HYDIN: variants seen among roughly 807,000 people sequenced by gnomAD.
The protein encoded by HYDIN is axonemal central pair apparatus protein HYDIN.
HYDIN carries 132 observed loss-of-function variants against 403.9 expected under a neutral mutation model. The ratio of observed to expected loss-of-function variants is 0.33; its 90% CI spans 0.28 to 0.38. The LOEUF (loss-of-function observed/expected upper bound fraction) is 0.38. HYDIN is among the 10% of genes least tolerant of loss of function. The pLI is 1.00. For missense variants in HYDIN, 2,827 were observed against 5,009.5 expected (o/e 0.56, Z 13.15); for synonymous variants, 1,202 against 1,891.7 (o/e 0.64, Z 9.46).
intron 47 of HYDIN, among the ~76,000 whole-genome samples, chr16:70,917,032 C>T (rs1014422124): frequency 7.9e-5 from 12 of 152,126 alleles, no homozygotes; most frequent in Non-Finnish European, 1.6e-4. Flanking sequence ...AAGCGATCCT[C>T]CCACCTCAGC....
chr16:71,171,324 C>T (rs2086454066), intron 5 of HYDIN, among the ~76,000 whole-genome samples: 1 of 152,174 alleles, frequency 6.6e-6, no homozygotes, highest in Admixed American at 6.5e-5. Context: ...CTTCCTTGAC[C>T]TTACTTTTGA....
At chr16:70,810,527 C>A (rs2035414756) in intron 84 of HYDIN, among the ~76,000 whole-genome samples, 1 of 152,196 alleles carries the variant, frequency 6.6e-6, no homozygotes, top group Admixed American at 6.5e-5. Context: ...TGTGTAGCCA[C>A]TAGAAAGGAT....
chr16:71,084,956 C>A (rs1376515125), intron 12 of HYDIN, among the ~76,000 whole-genome samples: 1 of 148,786 alleles, frequency 6.7e-6, no homozygotes, highest in East Asian at 2.0e-4. Flanking sequence ...AATCCCACTT[C>A]GTCATGGGGT....
chr16:70,807,564 G>C lies in HYDIN; in HGVS notation c.*16C>G. ...AATGCATAGCTTTTGGTTGATACAG[G>C]TAACCCTGGTTACCACTAAAGGGTG... On this transcript the variant is annotated 3_prime_UTR_variant, in exon 86 of 86. Coordinates refer to ENST00000393567, the MANE Select transcript of HYDIN (RefSeq NM_001270974.2). 15 of 1,591,474 alleles carry C rather than the reference G, an allele frequency of 9.4e-6. No individual in the cohort carries two copies. Among genetic ancestry groups the C allele is most frequent in the Non-Finnish European group, 1.3e-5 (15 of 1,168,232 alleles).
chr16:71,188,261 C>T (rs2087252636), intron 1 of HYDIN, among the ~76,000 whole-genome samples: 1 of 152,160 alleles, frequency 6.6e-6, no homozygotes, highest in African/African-American at 2.4e-5. Context: ...TCCCAAGCAG[C>T]TGGCACTACT....
intron 36 of HYDIN, among the ~76,000 whole-genome samples, chr16:70,965,602 G>A (rs1041903482): frequency 2.6e-5 from 4 of 152,176 alleles, no homozygotes; most frequent in Non-Finnish European, 4.4e-5. Context: ...GCAAAATTAA[G>A]TTTTAAAAAG....
chr16:70,969,363 C>A (rs557153398), intron 36 of HYDIN, among the ~76,000 whole-genome samples: 169 of 152,174 alleles, frequency 1.1e-3, no homozygotes, highest in Middle Eastern at 6.8e-3. Context: ...AACTAAGACA[C>A]AGAAAAATTC....
chr16:71,198,865 C>T (rs1381117134), intron 1 of HYDIN, among the ~76,000 whole-genome samples: 1 of 152,186 alleles, frequency 6.6e-6, no homozygotes, highest in African/African-American at 2.4e-5. Flanking sequence ...CAGTGAATCT[C>T]CTTCATAGTA....
Position 70,837,843 on chromosome 16 carries a change from G to A in HYDIN, c.13089C>T (p.Ser4363=), listed in dbSNP as rs1268842329. ...YTNTTHLEVN[S]RVDVVKPGNT... is the part of the protein sequence containing the mutation. ...TTCCTGGCTTTACCACATCAACACG[G>A]GAGTTCACCTCGAGGTGAGTGGTGT... The change falls in exon 77 of 86, where the codon TCC becomes TCT. Residue 4363 remains serine, a synonymous_variant. Coordinates refer to ENST00000393567, the MANE Select transcript of HYDIN (RefSeq NM_001270974.2). The A allele has an allele frequency of 1.2e-6, 2 of 1,613,980 alleles. No individual in the cohort carries two copies.
intron 55 of HYDIN, 177 bp downstream of exon 55, chr16:70,894,272 C>T (rs1228781920): frequency 1.3e-5 from 8 of 592,864 alleles, no homozygotes; most frequent in Admixed American, 6.1e-5. Flanking sequence ...AAAGCAGAGA[C>T]GGTTCTTATG....
chr16:71,210,646 G>C (rs2088538004), intron 1 of HYDIN, among the ~76,000 whole-genome samples: 1 of 151,980 alleles, frequency 6.6e-6, no homozygotes, highest in African/African-American at 2.4e-5. Context: ...ATGTACCCCT[G>C]AACCTAAAAT....
chr16:71,099,850 A>C (rs2144404255), intron 10 of HYDIN, among the ~76,000 whole-genome samples: 1 of 152,034 alleles, frequency 6.6e-6, no homozygotes, highest in Non-Finnish European at 1.5e-5. Flanking sequence ...ACTTTTTAAA[A>C]AAGTTAGCCA....
intron 3 of HYDIN, among the ~76,000 whole-genome samples, chr16:71,184,044 A>G (rs2087021572): frequency 6.6e-6 from 1 of 152,180 alleles, no homozygotes; most frequent in African/African-American, 2.4e-5. Context: ...TGTGGGAAAC[A>G]GACAAAACAA....
chr16:70,944,108 T>C lies in HYDIN; in HGVS notation c.6532-159A>G, dbSNP rs142604910. Among the ~76,000 whole-genome samples, 1,859 of 152,150 alleles carry C rather than the reference T, an allele frequency of 0.012. No individual in the cohort carries two copies. Among genetic ancestry groups the C allele is most frequent in the South Asian group, 0.036 (173 of 4,798 alleles). ...ATAAAATGGAAGGACCCTGTCTTCC[T>C]TAAAGAACCACTGTAAGTTTCAAGT... On this transcript the variant is annotated intron_variant, in intron 41 of 85. Coordinates refer to ENST00000393567, the MANE Select transcript of HYDIN (RefSeq NM_001270974.2).
intron 40 of HYDIN, among the ~76,000 whole-genome samples, chr16:70,953,451 C>T (rs534921631): frequency 3.1e-4 from 47 of 152,156 alleles, no homozygotes; most frequent in African/African-American, 9.9e-4. Flanking sequence ...CTCTGAGGGA[C>T]GTGAAACTCC....
chr16:71,078,720 G>A (rs1346518586), intron 13 of HYDIN, among the ~76,000 whole-genome samples: 1 of 152,106 alleles, frequency 6.6e-6, no homozygotes, highest in Non-Finnish European at 1.5e-5. Flanking sequence ...TGCCTGGGCT[G>A]GTCTTGAACT....
intron 67 of HYDIN, chr16:70,865,032 C>T (rs140240244): frequency 2.7e-4 from 49 of 180,682 alleles, no homozygotes; most frequent in African/African-American, 1.2e-3. Context: ...TCGTAATTTG[C>T]AAAGATGTTT....
intron 21 of HYDIN, among the ~76,000 whole-genome samples, chr16:71,021,432 G>A (rs1205851185): frequency 2.0e-5 from 3 of 151,908 alleles, no homozygotes; most frequent in Admixed American, 6.6e-5. Context: ...GGCCACGATG[G>A]TCTTGATATC....
At chr16:70,887,350 G>C (rs868460509) in intron 58 of HYDIN, among the ~76,000 whole-genome samples, 34 of 152,076 alleles carry the variant, frequency 2.2e-4, no homozygotes, top group Admixed American at 1.6e-3. Flanking sequence ...GAGTTAGAAG[G>C]AGATATGACT....
Sources: allele counts gnomAD v4.1 joint callset (sites outside exome capture counted in the v4.1 genomes callset), GRCh38; gene constraint gnomAD v4.1.1; transcripts MANE v1.5; gene names NCBI Gene and HGNC (gene_info 2026-07-23, HGNC 2026-07-21).